The following ANKRD30B variants were observed in gnomAD, a reference collection of about 807,000 sequenced individuals.
ANKRD30B encodes the protein ankyrin repeat domain-containing protein 30B.
A neutral mutation model predicts 202.2 loss-of-function variants in ANKRD30B; 144 were observed. The observed-to-expected ratio is 0.71, with a 90% confidence interval of 0.62 to 0.82. ANKRD30B has a LOEUF of 0.82. Among genes scored for constraint, ANKRD30B ranks in the 40% least tolerant of loss-of-function variants. The pLI is 0.00. For missense variants in ANKRD30B, 1,487 were observed against 1,669.1 expected (o/e 0.89, Z 1.90); for synonymous variants, 508 against 561.3 (o/e 0.91, Z 1.34).
the ANKRD30B span, among the ~76,000 whole-genome samples, chr18:14,870,134 C>G: frequency 2.0e-5 from 3 of 152,204 alleles, no homozygotes; most frequent in Non-Finnish European, 4.4e-5. Flanking sequence ...CCACGCGAAG[C>G]CTATTTATTT....
At chr18:14,918,953 C>T in the ANKRD30B span, among the ~76,000 whole-genome samples, 1 of 152,198 alleles carries the variant, frequency 6.6e-6, no homozygotes, top group Admixed American at 6.5e-5. Context: ...ACTGACTTGC[C>T]ATTCCAGCTT....
the ANKRD30B span, among the ~76,000 whole-genome samples, chr18:14,938,420 C>T: frequency 6.6e-6 from 1 of 152,226 alleles, no homozygotes; most frequent in Non-Finnish European, 1.5e-5. Context: ...TGTCGCTGGC[C>T]TTCCTGATCA....
chr18:14,816,736 G>C (rs1300780982), intron 30 of ANKRD30B: 4 of 152,022 alleles, frequency 2.6e-5, no homozygotes, highest in Non-Finnish European at 5.9e-5. Context: ...CGCTAGACTG[G>C]ATTAAGAAAG....
the ANKRD30B span, among the ~76,000 whole-genome samples, chr18:14,894,854 A>G: frequency 1.2e-5 from 1 of 83,370 alleles, no homozygotes; most frequent in African/African-American, 4.1e-5. Flanking sequence ...ACATATACAA[A>G]AAACACTGAA....
chr18:14,811,458 A>G (rs1969918564), intron 28 of ANKRD30B, among the ~76,000 whole-genome samples: 2 of 150,448 alleles, frequency 1.3e-5, no homozygotes, highest in Admixed American at 1.3e-4. Context: ...TAATCCACCC[A>G]CCTCGGCCTC....
chr18:14,755,521 G>T (rs9675451), intron 4 of ANKRD30B, among the ~76,000 whole-genome samples: 2 of 151,674 alleles, frequency 1.3e-5, no homozygotes, highest in African/African-American at 2.4e-5. Context: ...TTAGCATTAG[G>T]TATATCTCCT....
At chr18:14,841,143 A>G (rs1353802540) in intron 37 of ANKRD30B, among the ~76,000 whole-genome samples, 1 of 152,228 alleles carries the variant, frequency 6.6e-6, no homozygotes, top group Non-Finnish European at 1.5e-5. Context: ...GTGGGAAGGC[A>G]TTAGGGATGG....
the ANKRD30B span, among the ~76,000 whole-genome samples, chr18:14,922,787 C>T: frequency 2.6e-5 from 4 of 152,174 alleles, no homozygotes; most frequent in Non-Finnish European, 5.9e-5. Flanking sequence ...GACACCAGCC[C>T]AGGTGGTAAG....
At chr18:14,760,357 T>C (rs566541740) in intron 5 of ANKRD30B, among the ~76,000 whole-genome samples, 197 bp from the exon 6 acceptor site, 2 of 152,182 alleles carry the variant, frequency 1.3e-5, no homozygotes, top group Admixed American at 1.3e-4. Flanking sequence ...CATGAGTATT[T>C]CATCTTACTT....
chr18:14,914,999 G>T, the ANKRD30B span, among the ~76,000 whole-genome samples: 2 of 152,168 alleles, frequency 1.3e-5, no homozygotes, highest in Non-Finnish European at 2.9e-5. Context: ...TTAGGATCCA[G>T]TTTTGAAGGG....
the ANKRD30B span, among the ~76,000 whole-genome samples, chr18:14,911,756 G>C: frequency 6.6e-6 from 1 of 152,106 alleles, no homozygotes; most frequent in South Asian, 2.1e-4. Flanking sequence ...CAATCCATGA[G>C]CATGGGAAGT....
At chr18:14,761,782 GC>G (rs2143714078) in intron 6 of ANKRD30B, among the ~76,000 whole-genome samples, 1 of 152,164 alleles carries the variant, frequency 6.6e-6, no homozygotes, top group South Asian at 2.1e-4. Flanking sequence ...GAACTTCTGG[GC>G]TTTATTTAAT....
intron 39 of ANKRD30B, among the ~76,000 whole-genome samples, chr18:14,848,277 CTGT>C (rs1230592084): frequency 6.6e-6 from 1 of 151,802 alleles, no homozygotes; most frequent in Non-Finnish European, 1.5e-5. Context: ...AAATCAATAC[CTGT>C]TGTTCTCTCT....
At chr18:14,776,774 G>A (rs1392495964) in intron 9 of ANKRD30B, among the ~76,000 whole-genome samples, 2 of 152,124 alleles carry the variant, frequency 1.3e-5, no homozygotes, top group African/African-American at 4.8e-5. Flanking sequence ...ATGATTGTTT[G>A]CTTTCATTTA....
At chr18:14,785,588 G>A (rs1968028518) in intron 14 of ANKRD30B, among the ~76,000 whole-genome samples, 2 of 152,166 alleles carry the variant, frequency 1.3e-5, no homozygotes, top group Non-Finnish European at 2.9e-5. Flanking sequence ...ATTCCACTAA[G>A]AATTTGAACT....
the ANKRD30B span, among the ~76,000 whole-genome samples, chr18:14,910,856 A>G: frequency 3.3e-5 from 5 of 152,038 alleles, no homozygotes; most frequent in South Asian, 8.3e-4. Context: ...TGTGGTTTCC[A>G]TTTGCATTTC....
intron 3 of ANKRD30B, among the ~76,000 whole-genome samples, chr18:14,754,142 A>G (rs1328900472): frequency 2.0e-5 from 3 of 152,168 alleles, no homozygotes; most frequent in African/African-American, 4.8e-5. Flanking sequence ...TTTGAAGCCA[A>G]TCTCTTTTGA....
In ANKRD30B at chr18:14,790,558, C is replaced by T. The variant is rs539669366; in HGVS notation, c.1735-843C>T. Among the ~76,000 whole-genome samples the T allele has an allele frequency of 5.3e-5, 8 of 152,196 alleles. 1 individual carries two copies. The South Asian group carries it at 1.0e-3, about 20-fold the overall frequency. On this transcript the variant is annotated intron_variant, in intron 15 of 43. Coordinates refer to ENST00000690538, the MANE Select transcript of ANKRD30B (RefSeq NM_001367607.2). ...AGATAGCTCTTATTACTTTGAGATACGTCCCATCAATACCTAATTTATTGA... is the reference window on the plus strand; with the variant it reads ...AGATAGCTCTTATTACTTTGAGATATGTCCCATCAATACCTAATTTATTGA...
intron 39 of ANKRD30B, among the ~76,000 whole-genome samples, chr18:14,845,390 A>T (rs1971593496): frequency 6.6e-6 from 1 of 152,300 alleles, no homozygotes; most frequent in African/African-American, 2.4e-5. Flanking sequence ...GTCAAAGATC[A>T]GAGGGTAATT....
Sources: gnomAD v4.1 joint callset for allele counts (sites outside exome capture counted in the v4.1 genomes callset) on GRCh38, gnomAD v4.1.1 for gene constraint, MANE v1.5 for transcripts, NCBI Gene and HGNC (gene_info 2026-07-23, HGNC 2026-07-21) for gene names.